CSMD3: variants seen among roughly 807,000 people sequenced by gnomAD.
CSMD3 encodes CUB and Sushi multiple domains 3, also known as CUB and sushi domain-containing protein 3.
CSMD3 carries 177 observed loss-of-function variants against 435.2 expected under a neutral mutation model. The ratio of observed to expected loss-of-function variants is 0.41; its 90% confidence interval spans 0.36 to 0.46. The LOEUF is 0.46. CSMD3 is among the 20% of genes least tolerant of loss of function. The pLI is 0.34. For synonymous variants in CSMD3, 1,656 were observed against 1,520.5 expected, an observed-to-expected ratio of 1.09 and a Z score of -2.07; for missense variants, 4,265 against 4,504.6, an observed-to-expected ratio of 0.95 and a Z score of 1.52.
chr8:112,938,766 T>C (rs967751504), intron 9 of CSMD3, among the ~76,000 whole-genome samples: 2 of 152,066 alleles, frequency 1.3e-5, no homozygotes, highest in Admixed American at 1.3e-4. Flanking sequence ...TGCCAGAAAG[T>C]TAGGTTTCCA....
At chr8:112,454,437 C>T (rs1816612996) in intron 32 of CSMD3, among the ~76,000 whole-genome samples, 1 of 152,036 alleles carries the variant, frequency 6.6e-6, no homozygotes, top group Non-Finnish European at 1.5e-5. Flanking sequence ...AATAACTCCA[C>T]CAAAACATGG....
At chr8:113,349,472 T>C (rs1439611253) in intron 1 of CSMD3, among the ~76,000 whole-genome samples, 1 of 151,958 alleles carries the variant, frequency 6.6e-6, no homozygotes. Flanking sequence ...CTTACAGGAA[T>C]ACAAAAAGAA....
At chr8:112,639,137 T>G (rs1289683829) in intron 20 of CSMD3, among the ~76,000 whole-genome samples, 1 of 152,046 alleles carries the variant, frequency 6.6e-6, no homozygotes, top group Non-Finnish European at 1.5e-5. Flanking sequence ...GGAAACTGCT[T>G]GAAAATACAA....
In CSMD3 at chr8:113,337,351, C is replaced by G. The variant is rs76159754; in HGVS notation, c.179-22558G>C. 1.3e-5 allele frequency among the ~76,000 whole-genome samples: 2 copies of G among 151,922 alleles called. 1 individual carries two copies. Among genetic ancestry groups the G allele is most frequent in the Non-Finnish European group, 2.9e-5 (2 of 67,962 alleles). On this transcript the variant is annotated intron_variant, in intron 1 of 70. Transcript: ENST00000297405. Reference sequence around the variant, plus strand: ...CATATTCCTGGAAGAGCAAGTCTGGCCACAGATTTTTAATAAGGGTGACAA... The same window carrying G: ...CATATTCCTGGAAGAGCAAGTCTGGGCACAGATTTTTAATAAGGGTGACAA...
chr8:112,801,159 T>C (rs1250037809), intron 12 of CSMD3, among the ~76,000 whole-genome samples: 2 of 152,100 alleles, frequency 1.3e-5, no homozygotes, highest in Non-Finnish European at 2.9e-5. Context: ...GTTTGCCTAC[T>C]TTATTGCTAA....
intron 10 of CSMD3, among the ~76,000 whole-genome samples, chr8:112,875,094 C>T (rs184190505): frequency 1.1e-4 from 16 of 152,216 alleles, no homozygotes; most frequent in Non-Finnish European, 5.9e-5. Flanking sequence ...CCTTCAGGAG[C>T]TCTTGTAAAT....
intron 31 of CSMD3, among the ~76,000 whole-genome samples, chr8:112,476,247 T>C (rs1819041126): frequency 6.6e-6 from 1 of 152,136 alleles, no homozygotes; most frequent in Non-Finnish European, 1.5e-5. Context: ...GGTTTTACCA[T>C]GTCAGCCAGG....
At chr8:113,208,330 G>A (rs1384445132) in intron 3 of CSMD3, among the ~76,000 whole-genome samples, 1 of 152,060 alleles carries the variant, frequency 6.6e-6, no homozygotes, top group Non-Finnish European at 1.5e-5. Context: ...CCAGTTACAG[G>A]CAATGTGACC....
chr8:112,457,312 G>A (rs1816938211), intron 32 of CSMD3, among the ~76,000 whole-genome samples: 1 of 152,038 alleles, frequency 6.6e-6, no homozygotes, highest in South Asian at 2.1e-4. Flanking sequence ...ATGGGGAATG[G>A]AGTGAAGAGA....
chr8:112,879,625 C>T (rs561430874), intron 10 of CSMD3, among the ~76,000 whole-genome samples: 8 of 151,994 alleles, frequency 5.3e-5, no homozygotes, highest in East Asian at 3.9e-4. Flanking sequence ...CGGAACCTGC[C>T]GACATGTGAT....
chr8:112,288,645 G>A (rs1047810319), intron 57 of CSMD3, among the ~76,000 whole-genome samples: 2 of 151,514 alleles, frequency 1.3e-5, no homozygotes, highest in Non-Finnish European at 2.9e-5. Flanking sequence ...CTGGTTGATG[G>A]GTAAAAATAA....
chr8:112,346,168 C>A lies in CSMD3; in HGVS notation c.6371G>T (p.Ser2124Ile). The A allele has an allele frequency of 6.2e-7, 1 of 1,613,690 alleles. No homozygotes were observed. The highest frequency in any genetic ancestry group is 8.5e-7 in the Non-Finnish European group (1 of 1,179,634). The change falls in exon 41 of 71, where the codon AGT becomes ATT. Residue 2124 changes from serine to isoleucine, a missense_variant. Transcript: ENST00000297405. Reference sequence around the variant, plus strand: ...GGGATAGTTTCCAGGAAACCCAGGACTGAGGATCACACCACTGAAGTCTGA... The same window carrying A: ...GGGATAGTTTCCAGGAAACCCAGGAATGAGGATCACACCACTGAAGTCTGA... ...AMSDFSGVIL[S>I]PGFPGNYPSS... is the part of the protein sequence containing the mutation.
chr8:113,414,019 A>G (rs1336347153), intron 1 of CSMD3, among the ~76,000 whole-genome samples: 2 of 152,218 alleles, frequency 1.3e-5, no homozygotes, highest in Admixed American at 6.5e-5. Context: ...AATAGGAGAC[A>G]GTAACAAAAG....
intron 5 of CSMD3, among the ~76,000 whole-genome samples, chr8:113,053,511 C>G (rs1238553105): frequency 6.6e-6 from 1 of 151,872 alleles, no homozygotes; most frequent in East Asian, 1.9e-4. Flanking sequence ...GACCTTTGAT[C>G]CATGAGATCA....
At chr8:112,584,706 T>G (rs997159179) in intron 23 of CSMD3, among the ~76,000 whole-genome samples, 4 of 151,466 alleles carry the variant, frequency 2.6e-5, no homozygotes, top group African/African-American at 9.7e-5. Flanking sequence ...TAATCAATGC[T>G]ACCACATAAA....
At chr8:112,609,226 A>AAAAAAAAAAAAC (rs1833052915) in intron 22 of CSMD3, among the ~76,000 whole-genome samples, 1 of 144,538 alleles carries the variant, frequency 6.9e-6, no homozygotes, top group African/African-American at 2.5e-5. Flanking sequence ...AAAAAAAAAA[A>AAAAAAAAAAAAC]AAAAAAGAAT....
intron 12 of CSMD3, among the ~76,000 whole-genome samples, chr8:112,805,369 A>T (rs542198544): frequency 6.6e-6 from 1 of 151,978 alleles, no homozygotes; most frequent in African/African-American, 2.4e-5. Context: ...GTTTAGTTTG[A>T]GGTGTAGAAT....
intron 13 of CSMD3, among the ~76,000 whole-genome samples, chr8:112,765,560 C>A (rs541185130): frequency 3.2e-4 from 48 of 151,786 alleles, no homozygotes; most frequent in African/African-American, 1.1e-3. Flanking sequence ...GAGTGTCAGG[C>A]TGCAGCTTCC....
At position 112,410,650 on chromosome 8, in the gene CSMD3, G is replaced by GTATATATATATA. The variant is rs1563913272; in HGVS notation, c.5396-1619_5396-1618insTATATATATATA. 2.2e-4 allele frequency among the ~76,000 whole-genome samples: 16 copies of GTATATATATATA among 73,826 alleles called. 1 individual carries two copies. The South Asian group carries it at 6.1e-3, about 28-fold the overall frequency. The allele number at this position is 73,826 out of a possible 152,430, so 48.4% of individuals were successfully genotyped here. A position where few individuals can be genotyped will look rare whatever the true frequency, so the allele number is the denominator to read the frequency against. ...TGTGTATATATATGTATATATATAT[G>GTATATATATATA]TGTATATATATGTATATATATATGT... On this transcript the variant is annotated intron_variant, in intron 32 of 70. Transcript: ENST00000297405.
Sources: gnomAD v4.1 joint callset for allele counts (sites outside exome capture counted in the v4.1 genomes callset) on GRCh38, gnomAD v4.1.1 for gene constraint, MANE v1.5 for transcripts, NCBI Gene and HGNC (gene_info 2026-07-23, HGNC 2026-07-21) for gene names.